KCNIP4: variants seen among roughly 807,000 people sequenced by gnomAD.
KCNIP4 encodes the protein potassium voltage-gated channel interacting protein 4.
In KCNIP4, 12 loss-of-function variants were observed where a neutral mutation model predicts 34.0. That is an observed-to-expected ratio of 0.35 (90% confidence interval 0.23 to 0.57). The LOEUF (loss-of-function observed/expected upper bound fraction) is 0.57, where lower values mean the gene tolerates loss of function less well. KCNIP4 is among the 20% of genes least tolerant of loss of function. The pLI, the probability that KCNIP4 is intolerant of heterozygous loss-of-function variation, is 0.83. For synonymous variants in KCNIP4, 124 were observed against 102.2 expected (o/e 1.21, Z -1.29); for missense variants, 238 against 311.7 (o/e 0.76, Z 1.78).
rs187017927 is a variant in KCNIP4, at chr4:20,991,849, T to G, written c.62-109140A>C. Reference sequence around the variant, plus strand: ...TCTGTTCCTAGGCCCTGTCATACCTTCCTGCTCATTTGGGCCAGGGCCTTG... The same window carrying G: ...TCTGTTCCTAGGCCCTGTCATACCTGCCTGCTCATTTGGGCCAGGGCCTTG... On this transcript the variant is annotated intron_variant, in intron 1 of 8. Transcript: ENST00000382152. Among the ~76,000 whole-genome samples the G allele has an allele frequency of 9.2e-5, 14 of 152,296 alleles. No individual in the cohort carries two copies. The East Asian group carries it at 2.7e-3, about 30-fold the overall frequency.
intron 1 of KCNIP4, among the ~76,000 whole-genome samples, chr4:21,210,813 A>G (rs1468493405): frequency 1.3e-5 from 2 of 152,182 alleles, no homozygotes; most frequent in Admixed American, 1.3e-4. Flanking sequence ...AAATATGTAA[A>G]GAGCTAAAGA....
Position 21,067,671 on chromosome 4 carries a change from G to A in KCNIP4, c.62-184962C>T, listed in dbSNP as rs1247108773. Among the ~76,000 whole-genome samples, 2 of 152,120 alleles carry A rather than the reference G, an allele frequency of 1.3e-5. 1 individual carries two copies. Among genetic ancestry groups the A allele is most frequent in the South Asian group, 4.1e-4 (2 of 4,828 alleles). On this transcript the variant is annotated intron_variant, in intron 1 of 8. Transcript: ENST00000382152. ...TGTAGCCAGGCAGTAGTCACTGCAG[G>A]CCTTAGGTGAGACCCAGTGCTGTGC...
intron 1 of KCNIP4, among the ~76,000 whole-genome samples, chr4:21,017,390 G>A (rs527883341): frequency 2.0e-5 from 3 of 152,196 alleles, no homozygotes; most frequent in African/African-American, 7.2e-5. Context: ...TCCTCAATGT[G>A]TCCATGTGTT....
chr4:20,930,968 T>TA lies in KCNIP4; in HGVS notation c.62-48260dup, dbSNP rs564206021. 1.4e-4 allele frequency among the ~76,000 whole-genome samples: 21 copies of TA among 151,974 alleles called. 1 individual carries two copies. In the South Asian group the frequency reaches 3.7e-3, roughly 27 times the overall value. On this transcript the variant is annotated intron_variant, in intron 1 of 8. Coordinates refer to ENST00000382152, the MANE Select transcript of KCNIP4 (RefSeq NM_025221.6). Reference sequence around the variant, plus strand: ...ACAGTGTGGAGGTTCCTAAAGAAATTAAAAAATAGACCAGCAATGACCCAA... The same window carrying TA: ...ACAGTGTGGAGGTTCCTAAAGAAATTAAAAAAATAGACCAGCAATGACCCAA...
At chr4:21,327,587 T>C (rs1715214519) in intron 1 of KCNIP4, among the ~76,000 whole-genome samples, 1 of 152,164 alleles carries the variant, frequency 6.6e-6, no homozygotes, top group Non-Finnish European at 1.5e-5. Flanking sequence ...AATATCTTTT[T>C]CTAGTTTGGG....
intron 1 of KCNIP4, among the ~76,000 whole-genome samples, chr4:21,379,300 C>T (rs1721258185): frequency 6.6e-6 from 1 of 152,172 alleles, no homozygotes; most frequent in African/African-American, 2.4e-5. Context: ...TTCCAGGCTA[C>T]CACTCTGAAT....
chr4:20,793,586 C>T (rs992836817), intron 3 of KCNIP4, among the ~76,000 whole-genome samples: 16 of 152,054 alleles, frequency 1.1e-4, no homozygotes, highest in African/African-American at 3.6e-4. Context: ...CACCAGGGAC[C>T]AGTTTTGTGG....
intron 1 of KCNIP4, among the ~76,000 whole-genome samples, chr4:21,251,615 A>G (rs1760704942): frequency 6.6e-6 from 1 of 152,210 alleles, no homozygotes; most frequent in Admixed American, 6.5e-5. Context: ...TTTGAATCAT[A>G]AAGCAACCTT....
chr4:21,796,981 C>A (rs549639561), intron 1 of KCNIP4, among the ~76,000 whole-genome samples: 1 of 152,174 alleles, frequency 6.6e-6, no homozygotes, highest in African/African-American at 2.4e-5. Context: ...ATATTCTGAG[C>A]AAGAGGCTCC....
intron 1 of KCNIP4, among the ~76,000 whole-genome samples, chr4:21,700,326 C>G (rs1221844551): frequency 6.6e-6 from 1 of 152,160 alleles, no homozygotes; most frequent in African/African-American, 2.4e-5. Flanking sequence ...TTTGCATTTA[C>G]CTGATGATCA....
chr4:20,940,081 AT>A (rs1731485771), intron 1 of KCNIP4, among the ~76,000 whole-genome samples: 1 of 150,218 alleles, frequency 6.7e-6, no homozygotes, highest in African/African-American at 2.5e-5. Context: ...TCCATCAACC[AT>A]TTCGCAATGA....
intron 1 of KCNIP4, among the ~76,000 whole-genome samples, chr4:21,490,196 AC>A (rs1219456536): frequency 2.0e-5 from 3 of 152,174 alleles, no homozygotes; most frequent in Non-Finnish European, 4.4e-5. Flanking sequence ...TAGGTTGGGA[AC>A]ATTGGGAAAG....
chr4:21,743,405 CTTT>C (rs33910770), intron 1 of KCNIP4, among the ~76,000 whole-genome samples: 17 of 144,716 alleles, frequency 1.2e-4, no homozygotes, highest in Admixed American at 1.4e-4. Flanking sequence ...ACTTTTGTCT[CTTT>C]TTTTTTTTTT....
chr4:21,628,124 T>C (rs1336991272), intron 1 of KCNIP4, among the ~76,000 whole-genome samples: 5 of 152,184 alleles, frequency 3.3e-5, no homozygotes, highest in African/African-American at 9.6e-5. Flanking sequence ...TTACCTCATT[T>C]CAAATTCATT....
intron 1 of KCNIP4, among the ~76,000 whole-genome samples, chr4:21,825,322 T>C (rs1722611117): frequency 6.6e-6 from 1 of 152,170 alleles, no homozygotes; most frequent in Admixed American, 6.5e-5. Flanking sequence ...ACATTTATTT[T>C]TGACTTTTAC....
rs199807375 is a variant in KCNIP4, at chr4:21,948,557, T to A, written c.61+14A>T. 34 of 1,611,784 alleles carry A rather than the reference T, an allele frequency of 2.1e-5. No homozygotes were observed. The highest frequency in any genetic ancestry group is 2.8e-5 in the Non-Finnish European group (33 of 1,179,120). On this transcript the variant is annotated intron_variant, in intron 1 of 8. Coordinates refer to ENST00000382152, the MANE Select transcript of KCNIP4 (RefSeq NM_025221.6). ...CGGAAGCGGGCGCCCGCTCGCAAGC[T>A]TATTGCATCCTACCGCCTGTAGAGC...
chr4:21,213,097 T>C (rs1757337795), intron 1 of KCNIP4, among the ~76,000 whole-genome samples: 2 of 152,072 alleles, frequency 1.3e-5, no homozygotes, highest in South Asian at 2.1e-4. Flanking sequence ...ATTTTGGCTC[T>C]CATCAAGGTC....
At chr4:21,464,749 A>G (rs541441050) in intron 1 of KCNIP4, 1 of 152,248 alleles carries the variant, frequency 6.6e-6, no homozygotes, top group South Asian at 2.1e-4. Flanking sequence ...GAGCAACGCT[A>G]TACACCAGAT....
chr4:20,767,083 G>A (rs779344453), intron 3 of KCNIP4: 1 of 152,124 alleles, frequency 6.6e-6, no homozygotes, highest in East Asian at 1.9e-4. Flanking sequence ...AATAGTTTAG[G>A]ATTTGGTAAG....
Sources: allele counts gnomAD v4.1 joint callset (sites outside exome capture counted in the v4.1 genomes callset), GRCh38; gene constraint gnomAD v4.1.1; transcripts MANE v1.5; gene names NCBI Gene and HGNC (gene_info 2026-07-23, HGNC 2026-07-21).